Variants in CRIPT observed in about 807,000 individuals in gnomAD.
The protein encoded by CRIPT is CXXC repeat containing interactor of PDZ3 domain.
A neutral mutation model predicts 16.6 loss-of-function variants in CRIPT; 20 were observed. The observed-to-expected ratio is 1.20, with a 90% confidence interval of 0.85 to 1.75. CRIPT has a LOEUF of 1.75. Among genes scored for constraint, CRIPT ranks in the 40% most tolerant of loss-of-function variants. The pLI, the probability that CRIPT is intolerant of heterozygous loss-of-function variation, is 0.00. For synonymous variants in CRIPT, 42 were observed against 37.0 expected (o/e 1.14, Z -0.49); for missense variants, 133 against 115.3 (o/e 1.15, Z -0.70).
Position 46,617,243 on chromosome 2 carries a change from G to GCTT in CRIPT, c.-38_-37insTCT. 1 of 1,553,108 alleles carries GCTT rather than the reference G, an allele frequency of 6.4e-7. No individual in the cohort carries two copies. The highest frequency in any genetic ancestry group is 1.2e-5 in the South Asian group (1 of 84,208). On this transcript the variant is annotated 5_prime_UTR_variant, in exon 1 of 5. Coordinates refer to ENST00000238892, the MANE Select transcript of CRIPT (RefSeq NM_014171.6). Reference sequence around the variant, plus strand: ...GTGTTGTTGTTTTCAGCCTGCTGCTGCTGCTGCTGTTGCGGCTAGGGGAAC... The same window carrying GCTT: ...GTGTTGTTGTTTTCAGCCTGCTGCTGCTTCTGCTGCTGTTGCGGCTAGGGGAAC...
intron 2 of CRIPT, 40 bp downstream of exon 2, chr2:46,618,878 T>C: frequency 8.3e-7 from 1 of 1,200,244 alleles, no homozygotes; most frequent in Non-Finnish European, 1.2e-6. Context: ...AACCGAATAC[T>C]TACTGTGAAT....
chr2:46,619,572 T>A (rs1415336488), intron 2 of CRIPT, 55 bp from the exon 3 acceptor site: 4 of 1,229,566 alleles, frequency 3.3e-6, no homozygotes, highest in Non-Finnish European at 4.6e-6. Context: ...CTTCTTAATA[T>A]TATATGTTAA....
chr2:46,617,420 C>A (rs1429981458), intron 1 of CRIPT, 122 bp downstream of exon 1: 12 of 1,115,814 alleles, frequency 1.1e-5, no homozygotes, highest in Non-Finnish European at 1.5e-5. Flanking sequence ...TATCCGCTGT[C>A]TTTCTACCCT....
In CRIPT at chr2:46,627,456, TC is replaced by T. The variant is rs1227536318; in HGVS notation, c.*3233del. Among the ~76,000 whole-genome samples, 1 of 151,490 alleles carries T rather than the reference TC, an allele frequency of 6.6e-6. No homozygotes were observed. The highest frequency in any genetic ancestry group is 1.5e-5 in the Non-Finnish European group (1 of 67,838). ...ACATTTAAATCTTTTTTTTTTTTTT[TC>T]CCCAAAGACAGAGTCTCCTTCTGTT... On this transcript the variant is annotated 3_prime_UTR_variant, in exon 5 of 5. Transcript: ENST00000238892.
In CRIPT at chr2:46,627,225, C is replaced by T. The variant is rs1989720; in HGVS notation, c.*2998C>T. 0.51 allele frequency among the ~76,000 whole-genome samples: 77,273 copies of T among 151,984 alleles called. 21,294 individuals are homozygous for T. The highest frequency in any genetic ancestry group is 0.73 in the African/African-American group (30,100 of 41,456). On this transcript the variant is annotated 3_prime_UTR_variant, in exon 5 of 5. Coordinates refer to ENST00000238892, the MANE Select transcript of CRIPT (RefSeq NM_014171.6). ...TTCAGATGCACAGTTTGTGAATATT[C>T]TCTCCCATTCTGTAGGTTGTCTGTT...
chr2:46,629,684 A>G lies in CRIPT; in HGVS notation c.*5457A>G, dbSNP rs1440702399. ...TAAGTGATATGTATTGCAGGTATACATCCAGATGCACAGAATGTCCATTTG... is the reference window on the plus strand; with the variant it reads ...TAAGTGATATGTATTGCAGGTATACGTCCAGATGCACAGAATGTCCATTTG... On this transcript the variant is annotated 3_prime_UTR_variant, in exon 5 of 5. Coordinates refer to ENST00000238892, the MANE Select transcript of CRIPT (RefSeq NM_014171.6). Among the ~76,000 whole-genome samples, 1 of 152,218 alleles carries G rather than the reference A, an allele frequency of 6.6e-6. No individual in the cohort carries two copies. Among genetic ancestry groups the G allele is most frequent in the African/African-American group, 2.4e-5 (1 of 41,456 alleles).
At chr2:46,618,493 A>G (rs982413) in intron 1 of CRIPT, among the ~76,000 whole-genome samples, 1,617 of 152,340 alleles carry the variant, frequency 0.011, 27 homozygotes, top group South Asian at 0.047. Flanking sequence ...TGCTTAGTAT[A>G]TATTTATGGA....
At chr2:46,618,413 TC>T (rs1670720400) in intron 1 of CRIPT, among the ~76,000 whole-genome samples, 1 of 152,206 alleles carries the variant, frequency 6.6e-6, no homozygotes, top group Non-Finnish European at 1.5e-5. Flanking sequence ...TGTACTGTAA[TC>T]CCTTTAAAAT....
chr2:46,620,317 C>CGCGCCTGTAG (rs1225649039), intron 3 of CRIPT, among the ~76,000 whole-genome samples: 2 of 152,060 alleles, frequency 1.3e-5, no homozygotes, highest in Non-Finnish European at 2.9e-5. Context: ...TGTGGCAGCA[C>CGCGCCTGTAG]GCGCCTGTAG....
At chr2:46,622,484 A>G (rs550907239) in intron 3 of CRIPT, among the ~76,000 whole-genome samples, 25 of 152,244 alleles carry the variant, frequency 1.6e-4, no homozygotes, top group African/African-American at 6.0e-4. Flanking sequence ...GAACTTATTG[A>G]AAGGAAGAAG....
rs758897566 is a variant in CRIPT at position 46,624,172 on chromosome 2, C to T, written c.251C>T (p.Ala84Val). Residue 84 changes from alanine (A) to valine (V), a missense_variant, in exon 5 of 5, where the codon GCG (alanine) becomes GTG (valine). Transcript: ENST00000238892. ...TCTTCTTTTGTTTCAGGCATCTGTG[C>T]GATGTGTGGAAAAAAGGTTTTGGAT... ...QGCAYKKGICAMCGKKVLDTK... is the reference protein window; with the variant it reads ...QGCAYKKGICVMCGKKVLDTK... 11 of 1,578,190 alleles carry T rather than the reference C, an allele frequency of 7.0e-6. No individual in the cohort carries two copies. In the East Asian group the frequency reaches 9.2e-5, roughly 13 times the overall value.
At chr2:46,622,492 A>G (rs920804859) in intron 3 of CRIPT, among the ~76,000 whole-genome samples, 1 of 152,090 alleles carries the variant, frequency 6.6e-6, no homozygotes, top group African/African-American at 2.4e-5. Context: ...TGAAAGGAAG[A>G]AGAGTACCTA....
rs1212493540 is a variant in CRIPT, at chr2:46,629,739, C to T, written c.*5512C>T. On this transcript the variant is annotated 3_prime_UTR_variant, in exon 5 of 5. Coordinates refer to ENST00000238892, the MANE Select transcript of CRIPT (RefSeq NM_014171.6). ...TTATTGGTGATGCTAATTTTGATCA[C>T]TTGGGTAAGATGTCCAGTTTCTCCA... Among the ~76,000 whole-genome samples the T allele has an allele frequency of 1.3e-5, 2 of 152,152 alleles. No individual in the cohort carries two copies. The highest frequency in any genetic ancestry group is 2.9e-5 in the Non-Finnish European group (2 of 68,022).
chr2:46,623,881 A>T lies in CRIPT; in HGVS notation c.241+14A>T, dbSNP rs1332675914. The T allele has an allele frequency of 9.0e-6, 14 of 1,551,446 alleles. No individual in the cohort carries two copies. Among genetic ancestry groups the T allele is most frequent in the Non-Finnish European group, 1.2e-5 (14 of 1,131,906 alleles). ...CCTACAAAAAAGGTAAGTTTCTTTTAATACCGTTTTCTATTCATAAAACCG... is the reference window on the plus strand; with the variant it reads ...CCTACAAAAAAGGTAAGTTTCTTTTTATACCGTTTTCTATTCATAAAACCG... On this transcript the variant is annotated intron_variant, in intron 4 of 4. Coordinates refer to ENST00000238892, the MANE Select transcript of CRIPT (RefSeq NM_014171.6).
chr2:46,627,807 G>T lies in CRIPT; in HGVS notation c.*3580G>T, dbSNP rs1422485172. Reference sequence around the variant, plus strand: ...TTATATATATGGTGAAAGGGGTCCAGTTTGAGTCTTCTGCATATGGCTAGA... The same window carrying T: ...TTATATATATGGTGAAAGGGGTCCATTTTGAGTCTTCTGCATATGGCTAGA... On this transcript the variant is annotated 3_prime_UTR_variant, in exon 5 of 5. Coordinates refer to ENST00000238892, the MANE Select transcript of CRIPT (RefSeq NM_014171.6). Among the ~76,000 whole-genome samples, 3 of 152,172 alleles carry T rather than the reference G, an allele frequency of 2.0e-5. No individual in the cohort carries two copies. The highest frequency in any genetic ancestry group is 4.8e-5 in the African/African-American group (2 of 41,440).
rs1670940553 is a variant in CRIPT at position 46,626,405 on chromosome 2, A to G, written c.*2178A>G. On this transcript the variant is annotated 3_prime_UTR_variant, in exon 5 of 5. Coordinates refer to ENST00000238892, the MANE Select transcript of CRIPT (RefSeq NM_014171.6). ...AGTGCTGTGATGAATATGTGAGTGT[A>G]TGTGTCTTTTTGGTAGAACAATTTA... is the stretch of plus-strand genomic sequence containing the variant. 6.6e-6 allele frequency among the ~76,000 whole-genome samples: 1 copy of G among 152,170 alleles called. No homozygotes were observed. Among genetic ancestry groups the G allele is most frequent in the African/African-American group, 2.4e-5 (1 of 41,416 alleles).
rs373698985 is a variant in CRIPT, at chr2:46,617,349, T to C, written c.16+51T>C. ...GAGGAGGAGGCTGGGAGAACCTAACTGAGCTCTCCCGGGAACTTTGCTTTC... is the reference window on the plus strand; with the variant it reads ...GAGGAGGAGGCTGGGAGAACCTAACCGAGCTCTCCCGGGAACTTTGCTTTC... On this transcript the variant is annotated intron_variant, in intron 1 of 4. Transcript: ENST00000238892. 5.2e-6 allele frequency: 8 copies of C among 1,543,836 alleles called. No homozygotes were observed. The African/African-American group carries it at 1.1e-4, about 21-fold the overall frequency.
At chr2:46,624,023 A>G (rs928022122) in intron 4 of CRIPT, 140 bp from the exon 5 acceptor site, 1 of 428,864 alleles carries the variant, frequency 2.3e-6, no homozygotes, top group Admixed American at 5.1e-5. Flanking sequence ...TTATAATTAA[A>G]ATTATATATA....
intron 3 of CRIPT, among the ~76,000 whole-genome samples, chr2:46,622,700 C>G (rs1670841207): frequency 1.3e-5 from 2 of 152,000 alleles, no homozygotes; most frequent in South Asian, 4.1e-4. Flanking sequence ...GTAATCCCAG[C>G]TACTTGTGAG....
Sources: gnomAD v4.1 joint callset for allele counts (sites outside exome capture counted in the v4.1 genomes callset) on GRCh38, gnomAD v4.1.1 for gene constraint, MANE v1.5 for transcripts, NCBI Gene and HGNC (gene_info 2026-07-23, HGNC 2026-07-21) for gene names.